NOS1: variants seen among roughly 807,000 people sequenced by gnomAD.
NOS1 encodes the protein nitric oxide synthase 1, also known as NOS type I.
A neutral mutation model predicts 164.5 loss-of-function variants in NOS1; 51 were observed. The observed-to-expected ratio is 0.31, with a 90% CI of 0.25 to 0.39. The LOEUF is 0.39. Among genes scored for constraint, NOS1 ranks in the 10% least tolerant of loss-of-function variants. The probability of loss-of-function intolerance (pLI) is 1.00; values close to 1 mark genes in which losing one functional copy is unlikely to be tolerated. For missense variants in NOS1, 1,362 were observed against 1,885.6 expected (o/e 0.72, Z 5.14); for synonymous variants, 719 against 745.8 (o/e 0.96, Z 0.59).
At chr12:117,310,655 T>G (rs1874383686) in intron 3 of NOS1, among the ~76,000 whole-genome samples, 1 of 152,090 alleles carries the variant, frequency 6.6e-6, no homozygotes, top group Non-Finnish European at 1.5e-5. Context: ...TTTCAATATT[T>G]TTTTAGAGAC....
Position 117,280,970 on chromosome 12 carries a change from G to A in NOS1, c.1383-104C>T, listed in dbSNP as rs368502294. 105 of 1,340,962 alleles carry A rather than the reference G, an allele frequency of 7.8e-5. No individual in the cohort carries two copies. In the East Asian group the frequency reaches 1.7e-3, roughly 22 times the overall value. 83.1% of individuals were successfully genotyped at this position (1,340,962 alleles called of 1,614,324 possible). On this transcript the variant is annotated intron_variant, in intron 7 of 28. Coordinates refer to ENST00000317775, the MANE Select transcript of NOS1 (RefSeq NM_000620.5). ...GGGCGACAGCTGCTTGAGGCTCAGG[G>A]TAGATTACCTCCGTGCCAAGGTCCC...
chr12:117,286,589 A>G (rs1461644542), intron 5 of NOS1, among the ~76,000 whole-genome samples: 1 of 152,154 alleles, frequency 6.6e-6, no homozygotes, highest in Non-Finnish European at 1.5e-5. Context: ...GGACTGCTAA[A>G]TCTTTCCAGA....
chr12:117,231,508 T>C (rs935852819), intron 22 of NOS1, among the ~76,000 whole-genome samples: 2 of 152,146 alleles, frequency 1.3e-5, no homozygotes, highest in Admixed American at 6.6e-5. Flanking sequence ...ACACATTGTA[T>C]GCCTGTATCA....
intron 1 of NOS1, among the ~76,000 whole-genome samples, chr12:117,347,530 A>C (rs1463559159): frequency 2.0e-5 from 3 of 152,134 alleles, no homozygotes; most frequent in African/African-American, 7.2e-5. Flanking sequence ...GTTTCTTGCA[A>C]ATAAGTATTT....
intron 28 of NOS1, among the ~76,000 whole-genome samples, chr12:117,216,384 G>A (rs1430796568): frequency 2.0e-5 from 3 of 151,662 alleles, no homozygotes; most frequent in African/African-American, 7.3e-5. Context: ...GGGTTTCACC[G>A]TGTTAGCCAG....
intron 2 of NOS1, among the ~76,000 whole-genome samples, chr12:117,312,247 A>T (rs1425476186): frequency 1.3e-5 from 2 of 152,162 alleles, no homozygotes; most frequent in African/African-American, 4.8e-5. Context: ...TATTTTATCT[A>T]TATTAGACAC....
chr12:117,359,073 T>C (rs1876992562), intron 1 of NOS1, among the ~76,000 whole-genome samples: 1 of 152,256 alleles, frequency 6.6e-6, no homozygotes, highest in Non-Finnish European at 1.5e-5. Context: ...ATGGCTGCAC[T>C]GGCAACCTGA....
chr12:117,261,205 A>AAAAT (rs1555253082), intron 13 of NOS1, among the ~76,000 whole-genome samples: 7 of 143,924 alleles, frequency 4.9e-5, no homozygotes, highest in African/African-American at 1.8e-4. Context: ...AAAAAAAAAA[A>AAAAT]TCCCACCAGA....
chr12:117,322,052 CCCT>C (rs1874964119), intron 2 of NOS1, among the ~76,000 whole-genome samples: 1 of 137,518 alleles, frequency 7.3e-6, no homozygotes, highest in Non-Finnish European at 1.6e-5. Context: ...CTCCTTCCTT[CCCT>C]CCTTCCTTCC....
intron 1 of NOS1, among the ~76,000 whole-genome samples, chr12:117,345,983 G>A (rs577677608): frequency 1.2e-4 from 18 of 152,402 alleles, no homozygotes; most frequent in African/African-American, 4.3e-4. Flanking sequence ...CCTGTGAGAG[G>A]TGAGAGGGAG....
intron 6 of NOS1, 35 bp downstream of exon 6, chr12:117,286,069 A>C (rs369937006): frequency 1.2e-6 from 2 of 1,611,154 alleles, no homozygotes; most frequent in African/African-American, 1.3e-5. Context: ...TCCCTCATTT[A>C]AGGGCTCTTC....
intron 17 of NOS1, among the ~76,000 whole-genome samples, chr12:117,251,103 T>TA (rs1425857060): frequency 6.6e-6 from 1 of 152,072 alleles, no homozygotes; most frequent in Non-Finnish European, 1.5e-5. Context: ...TAGTGCCTCT[T>TA]AAGGGGCTGA....
At position 117,290,426 on chromosome 12, in the gene NOS1, G is replaced by C; in HGVS notation, c.853C>G (p.Pro285Ala). The C allele has an allele frequency of 6.2e-7, 1 of 1,610,628 alleles. No individual in the cohort carries two copies. Among genetic ancestry groups the C allele is most frequent in the Non-Finnish European group, 8.5e-7 (1 of 1,178,162 alleles). ...GGGGACTGTTTTCCTGAGGTGGGGG[G>C]CTGCAGGAGAGAATGAAGGTGGAAG... ...LNNPYSEKEQPPTSGKQSPTK... is the reference protein window; with the variant it reads ...LNNPYSEKEQAPTSGKQSPTK... Residue 285 changes from proline (P) to alanine (A), a missense_variant and splice_region_variant, in exon 4 of 29, where the codon CCC (proline) becomes GCC (alanine). This residue lies in a region of NOS1 where 362 missense variants were observed against 402.0 expected (regional missense o/e 0.90). Transcript: ENST00000317775.
intron 1 of NOS1, among the ~76,000 whole-genome samples, chr12:117,339,730 G>C (rs9658266): frequency 0.11 from 16,913 of 152,228 alleles, 1,076 homozygotes; most frequent in Admixed American, 0.19. Context: ...AAAAAGACCA[G>C]ACCAGTGAGG....
intron 8 of NOS1, among the ~76,000 whole-genome samples, chr12:117,280,521 G>A (rs1338076359): frequency 2.0e-5 from 3 of 152,208 alleles, no homozygotes; most frequent in Non-Finnish European, 1.5e-5. Flanking sequence ...AGGGCTGAGT[G>A]AGGTAATGGC....
Position 117,208,876 on chromosome 12 carries a change from C to A in NOS1, c.*6433G>T. On this transcript the variant is annotated 3_prime_UTR_variant, in exon 29 of 29. Coordinates refer to ENST00000317775, the MANE Select transcript of NOS1 (RefSeq NM_000620.5). Reference sequence around the variant, plus strand: ...TAGATGGGATTACAGATGCCCGCCACCACGCCGGGCTGATTTTTGTATTTT... The same window carrying A: ...TAGATGGGATTACAGATGCCCGCCAACACGCCGGGCTGATTTTTGTATTTT... The A allele has an allele frequency of 1.7e-6, 1 of 597,590 alleles. No individual in the cohort carries two copies. The highest frequency in any genetic ancestry group is 2.1e-6 in the Non-Finnish European group (1 of 475,210). The allele number at this position is 597,590 out of a possible 1,614,324, so 37.0% of individuals were successfully genotyped here.
At chr12:117,238,840 CT>C (rs1869936425) in intron 20 of NOS1, among the ~76,000 whole-genome samples, 1 of 152,014 alleles carries the variant, frequency 6.6e-6, no homozygotes, top group Admixed American at 6.6e-5. Context: ...TAAACTTCCA[CT>C]TTTAACCTCA....
At chr12:117,302,522 G>C (rs370485750) in intron 3 of NOS1, among the ~76,000 whole-genome samples, 1 of 151,094 alleles carries the variant, frequency 6.6e-6, no homozygotes, top group Non-Finnish European at 1.5e-5. Flanking sequence ...TGAACCCCAG[G>C]GGGCAGAGCC....
In NOS1 at chr12:117,209,792, A is replaced by G; in HGVS notation, c.*5517T>C. On this transcript the variant is annotated 3_prime_UTR_variant, in exon 29 of 29. Transcript: ENST00000317775. Reference sequence around the variant, plus strand: ...TTTCTTTTGGGGCCCCTTTGCCACAAGGCAGGGACTGGCAGTGGGCCAAGG... The same window carrying G: ...TTTCTTTTGGGGCCCCTTTGCCACAGGGCAGGGACTGGCAGTGGGCCAAGG... The G allele has an allele frequency of 2.0e-6, 2 of 985,478 alleles. No homozygotes were observed. Among genetic ancestry groups the G allele is most frequent in the Non-Finnish European group, 2.4e-6 (2 of 829,958 alleles). The allele number at this position is 985,478 out of a possible 1,614,324, so 61.0% of individuals were successfully genotyped here.
Sources: allele counts gnomAD v4.1 joint callset (sites outside exome capture counted in the v4.1 genomes callset), GRCh38; gene constraint gnomAD v4.1.1; regional missense constraint gnomAD v4.1.1; transcripts MANE v1.5; gene names NCBI Gene and HGNC (gene_info 2026-07-23, HGNC 2026-07-21).